Variants in IGFBP7 observed in about 807,000 individuals in gnomAD.
IGFBP7 encodes insulin-like growth factor-binding protein 7.
Under a neutral mutation model 29.4 loss-of-function variants are expected in IGFBP7, and 31 were observed. The ratio of observed to expected loss-of-function variants is 1.05; its 90% CI spans 0.79 to 1.42. IGFBP7 has a LOEUF of 1.42. IGFBP7 is among the 40% of genes most tolerant of loss of function. The pLI, the probability that IGFBP7 is intolerant of heterozygous loss-of-function variation, is 0.00. For missense variants in IGFBP7, 393 were observed against 395.5 expected, an observed-to-expected ratio of 0.99 and a Z score of 0.05; for synonymous variants, 172 against 174.9, an observed-to-expected ratio of 0.98 and a Z score of 0.13.
chr4:57,045,553 C>G (rs961690275), intron 1 of IGFBP7, among the ~76,000 whole-genome samples: 1 of 152,006 alleles, frequency 6.6e-6, no homozygotes, highest in South Asian at 2.1e-4. Flanking sequence ...TACATGGAGG[C>G]GGGTTGGCCT....
chr4:57,102,038 T>A (rs935250189), intron 1 of IGFBP7, among the ~76,000 whole-genome samples: 5 of 152,198 alleles, frequency 3.3e-5, no homozygotes, highest in Non-Finnish European at 7.3e-5. Flanking sequence ...GTTCCCCAGC[T>A]GCTAAAAACA....
chr4:57,061,173 C>T (rs1237898086), intron 1 of IGFBP7, among the ~76,000 whole-genome samples: 5 of 152,074 alleles, frequency 3.3e-5, no homozygotes, highest in African/African-American at 1.2e-4. Flanking sequence ...GTGTCGTTTG[C>T]AGGAAAAATA....
chr4:57,082,036 GTAC>G (rs767985439), intron 1 of IGFBP7, among the ~76,000 whole-genome samples: 2 of 152,122 alleles, frequency 1.3e-5, no homozygotes, highest in South Asian at 4.1e-4. Flanking sequence ...AGAAAGAAAG[GTAC>G]TACTAGAGCA....
At chr4:57,049,594 T>G (rs1724454482) in intron 1 of IGFBP7, among the ~76,000 whole-genome samples, 1 of 152,196 alleles carries the variant, frequency 6.6e-6, no homozygotes. Context: ...TCTTTGACAT[T>G]TTTTGCGGCC....
At chr4:57,073,945 T>A (rs1216685109) in intron 1 of IGFBP7, among the ~76,000 whole-genome samples, 18 of 152,210 alleles carry the variant, frequency 1.2e-4, no homozygotes, top group Non-Finnish European at 4.4e-5. Context: ...ACCTAGCGAC[T>A]TTCCCAAGGG....
intron 2 of IGFBP7, among the ~76,000 whole-genome samples, chr4:57,037,726 AT>A (rs750217350): frequency 6.6e-6 from 1 of 152,142 alleles, no homozygotes; most frequent in South Asian, 2.1e-4. Context: ...CTTTGCCAAG[AT>A]TTGCCAATAA....
intron 1 of IGFBP7, among the ~76,000 whole-genome samples, chr4:57,087,822 A>G (rs902289268): frequency 1.4e-4 from 21 of 152,234 alleles, no homozygotes; most frequent in African/African-American, 5.1e-4. Flanking sequence ...AGAGGGACAA[A>G]GAGATTAAGC....
chr4:57,047,801 C>T (rs529071390), intron 1 of IGFBP7, among the ~76,000 whole-genome samples: 2 of 152,292 alleles, frequency 1.3e-5, no homozygotes, highest in East Asian at 3.9e-4. Flanking sequence ...GTGGTGCGAA[C>T]ATGGCTCACT....
intron 1 of IGFBP7, among the ~76,000 whole-genome samples, chr4:57,066,750 A>C (rs1274365623): frequency 1.3e-5 from 2 of 151,752 alleles, no homozygotes; most frequent in African/African-American, 4.8e-5. Context: ...TTTAGTAGAG[A>C]TGGGGTTTCA....
intron 2 of IGFBP7, among the ~76,000 whole-genome samples, chr4:57,033,637 A>G (rs973209946): frequency 6.6e-6 from 1 of 152,236 alleles, no homozygotes; most frequent in Admixed American, 6.5e-5. Flanking sequence ...TCTCAGTTCC[A>G]GGCCTTTTGC....
At chr4:57,068,649 A>T (rs1724979238) in intron 1 of IGFBP7, among the ~76,000 whole-genome samples, 1 of 152,180 alleles carries the variant, frequency 6.6e-6, no homozygotes, top group South Asian at 2.1e-4. Flanking sequence ...ATATCAAAAG[A>T]TGGGAACTGG....
At chr4:57,067,948 T>C (rs554943913) in intron 1 of IGFBP7, among the ~76,000 whole-genome samples, 2 of 152,332 alleles carry the variant, frequency 1.3e-5, no homozygotes, top group Admixed American at 1.3e-4. Flanking sequence ...TATCATAAAA[T>C]ATCTAAACCA....
chr4:57,047,722 A>G lies in IGFBP7; in HGVS notation c.476-6789T>C, dbSNP rs77656609. Among the ~76,000 whole-genome samples, 185 of 152,306 alleles carry G rather than the reference A, an allele frequency of 1.2e-3. 5 individuals carry two copies. In the East Asian group the frequency reaches 0.032, roughly 26 times the overall value. ...CTGCAGAATCTCCACCTAAGTCTGCATACTCCTCCTTTGCTACATTTTTTC... is the reference window on the plus strand; with the variant it reads ...CTGCAGAATCTCCACCTAAGTCTGCGTACTCCTCCTTTGCTACATTTTTTC... On this transcript the variant is annotated intron_variant, in intron 1 of 4. Transcript: ENST00000295666.
intron 1 of IGFBP7, among the ~76,000 whole-genome samples, chr4:57,052,781 C>A (rs1724537429): frequency 6.6e-6 from 1 of 152,170 alleles, no homozygotes; most frequent in Non-Finnish European, 1.5e-5. Context: ...ATTAATAAGA[C>A]ACCTCGTTTT....
chr4:57,049,154 C>G (rs1724439196), intron 1 of IGFBP7, among the ~76,000 whole-genome samples: 1 of 151,884 alleles, frequency 6.6e-6, no homozygotes, highest in Non-Finnish European at 1.5e-5. Context: ...AAAAATAGAG[C>G]TTATAAAGGT....
chr4:57,071,859 G>C (rs1277349983), intron 1 of IGFBP7, among the ~76,000 whole-genome samples: 1 of 152,138 alleles, frequency 6.6e-6, no homozygotes, highest in Non-Finnish European at 1.5e-5. Flanking sequence ...TCCTAGGCTT[G>C]GTGCAGTGGC....
chr4:57,046,930 A>C (rs1724375355), intron 1 of IGFBP7, among the ~76,000 whole-genome samples: 1 of 152,202 alleles, frequency 6.6e-6, no homozygotes, highest in African/African-American at 2.4e-5. Context: ...ATCTCTTTAG[A>C]TCCTTCTCAA....
At chr4:57,066,587 G>T in intron 1 of IGFBP7, among the ~76,000 whole-genome samples, 1 of 151,350 alleles carries the variant, frequency 6.6e-6, no homozygotes, top group South Asian at 2.1e-4. Flanking sequence ...TTTTGGAGAT[G>T]GAGTCTTGCT....
chr4:57,096,963 C>A (rs938879931), intron 1 of IGFBP7, among the ~76,000 whole-genome samples: 1 of 152,154 alleles, frequency 6.6e-6, no homozygotes. Flanking sequence ...ACTCTAAAAG[C>A]CAAAGATAAT....
Sources: allele counts gnomAD v4.1 joint callset (sites outside exome capture counted in the v4.1 genomes callset), GRCh38; gene constraint gnomAD v4.1.1; transcripts MANE v1.5; gene names NCBI Gene and HGNC (gene_info 2026-07-23, HGNC 2026-07-21).